GCA: variants seen among roughly 807,000 people sequenced by gnomAD.
The protein encoded by GCA is grancalcin, EF-hand calcium-binding protein.
Under a neutral mutation model 32.6 loss-of-function variants are expected in GCA, and 30 were observed. That is an observed-to-expected ratio of 0.92 (90% CI 0.69 to 1.25). GCA has a LOEUF of 1.25. Ranked by LOEUF, GCA falls within the 50% of genes most tolerant of loss-of-function variation. The pLI is 0.00. For synonymous variants in GCA, 102 were observed against 84.6 expected, an observed-to-expected ratio of 1.21 and a Z score of -1.13; for missense variants, 291 against 266.8, an observed-to-expected ratio of 1.09 and a Z score of -0.63.
Position 162,360,392 on chromosome 2 carries a change from A to T in GCA, c.*149A>T. ...TCTGTGTGTTTTTATTTTAGCAGAT[A>T]GTTCAAAGCAATAAAAGATTTCTTT... On this transcript the variant is annotated 3_prime_UTR_variant, in exon 8 of 8. Coordinates refer to ENST00000437150, the MANE Select transcript of GCA (RefSeq NM_012198.5). 6 of 1,312,318 alleles carry T rather than the reference A, an allele frequency of 4.6e-6. No individual in the cohort carries two copies. Among genetic ancestry groups the T allele is most frequent in the Non-Finnish European group, 4.9e-6 (5 of 1,015,706 alleles). 81.3% of individuals were successfully genotyped at this position (1,312,318 alleles called of 1,614,324 possible). A position where few individuals can be genotyped will look rare whatever the true frequency, so the allele number is the denominator to read the frequency against.
chr2:162,344,123 T>C (rs935049464), upstream of GCA: 3 of 969,784 alleles, frequency 3.1e-6, no homozygotes, highest in South Asian at 1.4e-5. Context: ...AGGAGTGAAC[T>C]GTGCGGTTAG....
At chr2:162,329,472 C>G (rs1404452775) in intron 1 of GCA, among the ~76,000 whole-genome samples, 4 of 151,924 alleles carry the variant, frequency 2.6e-5, no homozygotes, top group Non-Finnish European at 5.9e-5. Context: ...TATCAGTGCA[C>G]TGAGTTATAT....
At chr2:162,329,318 G>C (rs989475151) in intron 1 of GCA, among the ~76,000 whole-genome samples, 4 of 152,066 alleles carry the variant, frequency 2.6e-5, no homozygotes, top group Non-Finnish European at 5.9e-5. Flanking sequence ...AATTGAAAAA[G>C]TCTTAAAGTA....
At chr2:162,367,422 A>G (rs566010980), downstream of GCA, among the ~76,000 whole-genome samples, 16 of 152,094 alleles carry the variant, frequency 1.1e-4, no homozygotes, top group Non-Finnish European at 1.9e-4. Context: ...TATATCATAG[A>G]TCTAAAGAAG....
At chr2:162,329,301 A>G (rs1457629252) in intron 1 of GCA, among the ~76,000 whole-genome samples, 1 of 151,952 alleles carries the variant, frequency 6.6e-6, no homozygotes, top group Non-Finnish European at 1.5e-5. Context: ...TTCTATATCT[A>G]TATTATAATT....
chr2:162,341,267 T>TTATATATATATATATA (rs3052040), upstream of GCA, among the ~76,000 whole-genome samples: 267 of 116,186 alleles, frequency 2.3e-3, 4 homozygotes, highest in African/African-American at 2.5e-3. Flanking sequence ...CTTATTTATT[T>TTATATATATATATATA]TATATATATA....
chr2:162,371,510 T>C, exon 5 of GCA: 2 of 1,201,846 alleles, frequency 1.7e-6, no homozygotes, highest in Non-Finnish European at 1.1e-6. Context: ...ACTGGTTTAG[T>C]AAAAGCAGTA....
Position 162,357,169 on chromosome 2 carries a change from AG to A in GCA, c.454+265del, listed in dbSNP as rs1421613717. Among the ~76,000 whole-genome samples, 5 of 151,984 alleles carry A rather than the reference AG, an allele frequency of 3.3e-5. No individual in the cohort carries two copies. The East Asian group carries it at 9.7e-4, about 29-fold the overall frequency. Reference sequence around the variant, plus strand: ...TTGTGTTTAAATTTATTTCTTTGTTAGTACTTACCAGTTAGATTGTATTCTT... The same window carrying A: ...TTGTGTTTAAATTTATTTCTTTGTTATACTTACCAGTTAGATTGTATTCTT... On this transcript the variant is annotated intron_variant, in intron 5 of 7. Transcript: ENST00000437150.
At chr2:162,374,798 G>T (rs1686103375), downstream of GCA, among the ~76,000 whole-genome samples, 1 of 151,694 alleles carries the variant, frequency 6.6e-6, no homozygotes, top group Non-Finnish European at 1.5e-5. Context: ...TTTTTCTATA[G>T]TTAGTAAATA....
Position 162,361,979 on chromosome 2 carries a change from A to G in GCA, c.*1736A>G, listed in dbSNP as rs1685591740. 2.0e-6 allele frequency: 2 copies of G among 983,234 alleles called. No homozygotes were observed. The highest frequency in any genetic ancestry group is 2.4e-6 in the Non-Finnish European group (2 of 828,148). The allele number at this position is 983,234 out of a possible 1,614,324, so 60.9% of individuals were successfully genotyped here. Reference sequence around the variant, plus strand: ...TTACTTGGAGGCTCACAGTTGAGGTAAAACTTTTAAAATGACAAATGGTAT... The same window carrying G: ...TTACTTGGAGGCTCACAGTTGAGGTGAAACTTTTAAAATGACAAATGGTAT... On this transcript the variant is annotated 3_prime_UTR_variant, in exon 8 of 8. Coordinates refer to ENST00000437150, the MANE Select transcript of GCA (RefSeq NM_012198.5).
At chr2:162,329,988 T>A (rs1477540684) in intron 1 of GCA, among the ~76,000 whole-genome samples, 2 of 152,238 alleles carry the variant, frequency 1.3e-5, no homozygotes, top group Admixed American at 6.5e-5. Context: ...TCCACGTCCG[T>A]GCACAGGATA....
intron 4 of GCA, among the ~76,000 whole-genome samples, chr2:162,368,136 T>C (rs1685815114): frequency 6.6e-6 from 1 of 151,974 alleles, no homozygotes; most frequent in African/African-American, 2.4e-5. Context: ...AGAATATGCA[T>C]TTCTGCCAAG....
chr2:162,328,540 A>G (rs1366256085), intron 1 of GCA, among the ~76,000 whole-genome samples: 2 of 152,150 alleles, frequency 1.3e-5, no homozygotes, highest in Non-Finnish European at 2.9e-5. Context: ...AAGTTGCCCC[A>G]CTGCTCAAAC....
intron 3 of GCA, 64 bp from the exon 4 acceptor site, chr2:162,356,374 T>G: frequency 1.1e-6 from 1 of 885,278 alleles, no homozygotes; most frequent in South Asian, 1.4e-5. Context: ...AACTGGAGAT[T>G]GTCATAATTT....
In GCA at chr2:162,361,385, T is replaced by G; in HGVS notation, c.*1142T>G. ...TCTTGGCAAACACCTCATGTCTGTCTTAGTGAAGATTTAATAAACCACTTA... is the reference window on the plus strand; with the variant it reads ...TCTTGGCAAACACCTCATGTCTGTCGTAGTGAAGATTTAATAAACCACTTA... On this transcript the variant is annotated 3_prime_UTR_variant, in exon 8 of 8. Transcript: ENST00000437150. 1.0e-6 allele frequency: 1 copy of G among 976,098 alleles called. No individual in the cohort carries two copies. Among genetic ancestry groups the G allele is most frequent in the Non-Finnish European group, 1.2e-6 (1 of 821,650 alleles). 60.5% of individuals were successfully genotyped at this position (976,098 alleles called of 1,614,324 possible). A position where few individuals can be genotyped will look rare whatever the true frequency, so the allele number is the denominator to read the frequency against.
chr2:162,362,718 C>T lies in GCA; in HGVS notation c.*2475C>T, dbSNP rs1218483219. The T allele has an allele frequency of 7.0e-6, 2 of 286,998 alleles. No individual in the cohort carries two copies. The highest frequency in any genetic ancestry group is 2.3e-5 in the African/African-American group (1 of 43,774). The allele number at this position is 286,998 out of a possible 1,614,324, so 17.8% of individuals were successfully genotyped here. A position where few individuals can be genotyped will look rare whatever the true frequency, so the allele number is the denominator to read the frequency against. The stretch of plus-strand genomic sequence containing the variant: ...TTCAAATAACAGTGCAGTAATTCAC[C>T]TATATCTAAAAGACTGCCAAATTAT... On this transcript the variant is annotated 3_prime_UTR_variant, in exon 8 of 8. Transcript: ENST00000437150.
chr2:162,338,457 G>T (rs573328696), intron 1 of GCA, among the ~76,000 whole-genome samples: 1 of 152,272 alleles, frequency 6.6e-6, no homozygotes, highest in East Asian at 1.9e-4. Flanking sequence ...CAACATAAAA[G>T]AATTTAACTG....
chr2:162,356,329 A>G (rs1187949491), intron 3 of GCA, 109 bp from the exon 4 acceptor site: 9 of 705,854 alleles, frequency 1.3e-5, no homozygotes, highest in African/African-American at 1.8e-5. Flanking sequence ...TGGTGATTTT[A>G]TATATTTTGG....
At chr2:162,369,878 CT>C (rs1685870770) in intron 4 of GCA, among the ~76,000 whole-genome samples, 1 of 152,110 alleles carries the variant, frequency 6.6e-6, no homozygotes, top group East Asian at 1.9e-4. Flanking sequence ...CAGTTAGCCC[CT>C]AAGTTTGTAT....
Sources: allele counts gnomAD v4.1 joint callset (sites outside exome capture counted in the v4.1 genomes callset), GRCh38; gene constraint gnomAD v4.1.1; transcripts MANE v1.5; gene names NCBI Gene and HGNC (gene_info 2026-07-23, HGNC 2026-07-21).